The following PTCHD4 variants were observed in gnomAD, a reference collection of about 807,000 sequenced individuals.
PTCHD4 encodes the protein patched domain containing 4.
A neutral mutation model predicts 58.1 loss-of-function variants in PTCHD4; 33 were observed. The observed-to-expected ratio is 0.57, with a 90% CI of 0.43 to 0.76. The LOEUF is 0.76. Among genes scored for constraint, PTCHD4 ranks in the 30% least tolerant of loss-of-function variants. PTCHD4 has a pLI of 0.00. For missense variants in PTCHD4, 1,058 were observed against 1,027.1 expected, an observed-to-expected ratio of 1.03 and a Z score of -0.41; for synonymous variants, 478 against 409.6, an observed-to-expected ratio of 1.17 and a Z score of -2.02.
At chr6:48,060,988 G>C (rs149314075) in intron 3 of PTCHD4, among the ~76,000 whole-genome samples, 96 of 152,294 alleles carry the variant, frequency 6.3e-4, no homozygotes, top group African/African-American at 2.0e-3. Context: ...TCAGTGAGAG[G>C]CTCTTCCATA....
intron 1 of PTCHD4, among the ~76,000 whole-genome samples, chr6:48,102,954 G>A (rs1054589690): frequency 1.2e-4 from 18 of 152,216 alleles, no homozygotes; most frequent in Non-Finnish European, 2.5e-4. Context: ...AAAGTGGCCA[G>A]GAAGCTCAAA....
In PTCHD4 at chr6:47,914,744, TTATCTATC is replaced by T. The variant is rs148847302; in HGVS notation, c.899-34816_899-34809del. On this transcript the variant is annotated intron_variant, in intron 4 of 4. Transcript: ENST00000339488. ...TGTCTATCTATCTATTATCTATCTA[TTATCTATC>T]TATCTATCTATCTATCTATCTATCT... is the stretch of plus-strand genomic sequence containing the variant. 4.4e-3 allele frequency among the ~76,000 whole-genome samples: 514 copies of T among 116,272 alleles called. 2 individuals carry two copies. The highest frequency in any genetic ancestry group is 8.6e-3 in the African/African-American group (285 of 33,250). 76.3% of individuals were successfully genotyped at this position (116,272 alleles called of 152,430 possible).
At chr6:47,993,132 T>A (rs1044471491) in intron 4 of PTCHD4, among the ~76,000 whole-genome samples, 2 of 152,198 alleles carry the variant, frequency 1.3e-5, no homozygotes, top group Non-Finnish European at 2.9e-5. Context: ...AAGGCAACAA[T>A]TATACGTCAA....
chr6:48,024,167 A>T (rs1582038110), intron 3 of PTCHD4, among the ~76,000 whole-genome samples: 1 of 152,170 alleles, frequency 6.6e-6, no homozygotes, highest in African/African-American at 2.4e-5. Context: ...CTCCATCAAC[A>T]GTTATTACCT....
intron 3 of PTCHD4, among the ~76,000 whole-genome samples, chr6:48,059,313 G>A (rs1764532294): frequency 6.6e-6 from 1 of 152,144 alleles, no homozygotes; most frequent in Admixed American, 6.5e-5. Flanking sequence ...AATACTGTAA[G>A]GTAAGGGCTA....
chr6:47,951,661 C>T (rs1766658204), intron 4 of PTCHD4, among the ~76,000 whole-genome samples: 1 of 152,044 alleles, frequency 6.6e-6, no homozygotes, highest in Non-Finnish European at 1.5e-5. Flanking sequence ...CTAAATAACC[C>T]TTCCTCCTCT....
chr6:47,904,732 C>T (rs1327489019), intron 4 of PTCHD4, among the ~76,000 whole-genome samples: 1 of 152,128 alleles, frequency 6.6e-6, no homozygotes, highest in African/African-American at 2.4e-5. Flanking sequence ...ATCATTCATA[C>T]ATTCACTCAA....
chr6:47,885,533 A>T (rs940147022), intron 4 of PTCHD4, among the ~76,000 whole-genome samples: 9 of 151,452 alleles, frequency 5.9e-5, no homozygotes, highest in African/African-American at 9.7e-5. Flanking sequence ...TTTTTAAATT[A>T]AAAAAAAATT....
intron 4 of PTCHD4, among the ~76,000 whole-genome samples, chr6:47,914,232 TG>T (rs1263393851): frequency 4.1e-4 from 63 of 152,286 alleles, no homozygotes; most frequent in African/African-American, 1.5e-3. Flanking sequence ...TTACTGTCAT[TG>T]TGACAATTAA....
At chr6:48,048,948 A>C (rs535661510) in intron 3 of PTCHD4, among the ~76,000 whole-genome samples, 1 of 151,958 alleles carries the variant, frequency 6.6e-6, no homozygotes, top group African/African-American at 2.4e-5. Context: ...TACTTTTGAC[A>C]TGGAAGGCAC....
chr6:47,896,100 A>T (rs1764520397), intron 4 of PTCHD4, among the ~76,000 whole-genome samples: 1 of 152,156 alleles, frequency 6.6e-6, no homozygotes. Context: ...GTAGATGATA[A>T]CCCCTGTGAT....
chr6:48,005,691 T>C (rs568864223), intron 4 of PTCHD4, among the ~76,000 whole-genome samples: 1 of 152,306 alleles, frequency 6.6e-6, no homozygotes, highest in East Asian at 1.9e-4. Context: ...CTGAAGGCAT[T>C]AGAAGGCAAC....
intron 3 of PTCHD4, among the ~76,000 whole-genome samples, chr6:48,013,375 G>GT (rs5876042): frequency 0.012 from 1,758 of 145,386 alleles, 36 homozygotes; most frequent in African/African-American, 0.03. Flanking sequence ...TTTCAGTTGA[G>GT]TTTTTTTTTT....
At position 47,876,589 on chromosome 6, in the gene PTCHD4, T is replaced by G. The variant is rs1181647466; in HGVS notation, c.*1714A>C. ...TCTGAACATAATTGAGTCAAGGAGT[T>G]TTGTTATTTTAGGTATTATTAATTT... On this transcript the variant is annotated 3_prime_UTR_variant, in exon 5 of 5. Transcript: ENST00000339488. 6.6e-6 allele frequency among the ~76,000 whole-genome samples: 1 copy of G among 151,972 alleles called. No homozygotes were observed. The highest frequency in any genetic ancestry group is 1.5e-5 in the Non-Finnish European group (1 of 67,962).
At chr6:47,900,977 A>AC (rs1218399854) in intron 4 of PTCHD4, 1 of 151,240 alleles carries the variant, frequency 6.6e-6, no homozygotes. Context: ...ACAAGGTGAA[A>AC]CCCCGTCTCT....
At chr6:47,909,116 G>T (rs1380241369) in intron 4 of PTCHD4, among the ~76,000 whole-genome samples, 1 of 152,090 alleles carries the variant, frequency 6.6e-6, no homozygotes, top group Non-Finnish European at 1.5e-5. Flanking sequence ...CAGGCTTAAT[G>T]CTACTTTAGT....
intron 1 of PTCHD4, among the ~76,000 whole-genome samples, chr6:48,110,799 A>G (rs1204522229): frequency 2.0e-5 from 3 of 147,300 alleles, no homozygotes; most frequent in Non-Finnish European, 4.5e-5. Flanking sequence ...ATAAATATAT[A>G]TATATATATA....
intron 3 of PTCHD4, among the ~76,000 whole-genome samples, chr6:48,030,438 C>T (rs1763394048): frequency 1.3e-5 from 2 of 152,092 alleles, no homozygotes; most frequent in South Asian, 4.1e-4. Context: ...ACTCTTGAAA[C>T]TAACATTCTA....
intron 3 of PTCHD4, among the ~76,000 whole-genome samples, chr6:48,053,542 T>C (rs765941512): frequency 5.3e-5 from 8 of 152,144 alleles, no homozygotes; most frequent in Non-Finnish European, 1.0e-4. Context: ...AGTTTTAATA[T>C]TTTACTTCAT....
Sources: gnomAD v4.1 joint callset for allele counts (sites outside exome capture counted in the v4.1 genomes callset) on GRCh38, gnomAD v4.1.1 for gene constraint, MANE v1.5 for transcripts, NCBI Gene and HGNC (gene_info 2026-07-23, HGNC 2026-07-21) for gene names.